Variants in MAN2A1 observed in about 807,000 individuals in gnomAD.
MAN2A1 encodes the protein mannosidase alpha class 2A member 1.
In MAN2A1, 76 loss-of-function variants were observed where a neutral mutation model predicts 142.6. That is an observed-to-expected ratio of 0.53 (90% CI 0.44 to 0.65). The LOEUF (loss-of-function observed/expected upper bound fraction) is 0.65, where lower values mean the gene tolerates loss of function less well. Among genes scored for constraint, MAN2A1 ranks in the 30% least tolerant of loss-of-function variants. The pLI, the probability that MAN2A1 is intolerant of heterozygous loss-of-function variation, is 0.00. For missense variants in MAN2A1, 1,311 were observed against 1,365.1 expected, an observed-to-expected ratio of 0.96 and a Z score of 0.62; for synonymous variants, 559 against 473.2, an observed-to-expected ratio of 1.18 and a Z score of -2.35.
At chr5:109,739,220 G>T (rs1243280252) in intron 4 of MAN2A1, among the ~76,000 whole-genome samples, 2 of 151,930 alleles carry the variant, frequency 1.3e-5, no homozygotes, top group East Asian at 3.9e-4. Context: ...TTCATTGAAG[G>T]TAACTTTTTC....
intron 12 of MAN2A1, among the ~76,000 whole-genome samples, chr5:109,816,368 C>T (rs545909117): frequency 3.3e-5 from 5 of 152,152 alleles, no homozygotes; most frequent in Non-Finnish European, 7.3e-5. Flanking sequence ...AAAAGTTGCA[C>T]GTAGTTGCAA....
intron 12 of MAN2A1, among the ~76,000 whole-genome samples, chr5:109,807,704 A>G (rs1213182203): frequency 1.4e-4 from 21 of 152,124 alleles, no homozygotes. Context: ...GTGAGCTGTA[A>G]TTTAATCACA....
At chr5:109,782,578 T>C (rs1159069393) in intron 9 of MAN2A1, among the ~76,000 whole-genome samples, 1 of 152,174 alleles carries the variant, frequency 6.6e-6, no homozygotes, top group Non-Finnish European at 1.5e-5. Context: ...AGATTGTACT[T>C]ACCGTCTTTT....
chr5:109,790,338 T>C (rs1408686352), intron 12 of MAN2A1, among the ~76,000 whole-genome samples: 1 of 151,914 alleles, frequency 6.6e-6, no homozygotes, highest in Non-Finnish European at 1.5e-5. Flanking sequence ...ATGGAATGAA[T>C]GTAAAAAGAA....
intron 13 of MAN2A1, 65 bp from the exon 14 acceptor site, chr5:109,819,604 T>A (rs762858929): frequency 3.1e-6 from 3 of 967,888 alleles, no homozygotes; most frequent in Non-Finnish European, 2.9e-6. Context: ...ACCAAAAATA[T>A]AAATGGTTTG....
chr5:109,729,723 T>G (rs1375741216), intron 4 of MAN2A1, among the ~76,000 whole-genome samples: 4 of 152,174 alleles, frequency 2.6e-5, no homozygotes, highest in African/African-American at 7.2e-5. Context: ...CTGGAAGCAG[T>G]GGCTTACTGC....
At position 109,858,358 on chromosome 5, in the gene MAN2A1, A is replaced by G. The variant is rs118118380; in HGVS notation, c.3171+3024A>G. Reference sequence around the variant, plus strand: ...TCCCTAACCTGATAATAGAAGGATAATCATTGAAGGGAACTGTTGTGGGTA... The same window carrying G: ...TCCCTAACCTGATAATAGAAGGATAGTCATTGAAGGGAACTGTTGTGGGTA... On this transcript the variant is annotated intron_variant, in intron 20 of 21. Transcript: ENST00000261483. 4.8e-4 allele frequency among the ~76,000 whole-genome samples: 73 copies of G among 152,312 alleles called. 1 individual carries two copies. The East Asian group carries it at 0.011, about 24-fold the overall frequency.
chr5:109,733,901 C>G (rs1444736470), intron 4 of MAN2A1, among the ~76,000 whole-genome samples: 4 of 152,080 alleles, frequency 2.6e-5, no homozygotes, highest in Non-Finnish European at 4.4e-5. Flanking sequence ...AGGATTCCCT[C>G]TTTTTCTATT....
chr5:109,864,852 A>T lies in MAN2A1; in HGVS notation c.3172-184A>T, dbSNP rs12656073. ...ACATAATCTTACCTGGCTCAGTACA[A>T]GTAGGAGAGAATGGTAGCAGGTGAA... On this transcript the variant is annotated intron_variant, in intron 20 of 21. Transcript: ENST00000261483. The T allele has an allele frequency of 1.3e-5, 8 of 599,442 alleles. 1 individual carries two copies. Among genetic ancestry groups the T allele is most frequent in the Middle Eastern group, 5.4e-4 (2 of 3,694 alleles). 37.1% of individuals were successfully genotyped at this position (599,442 alleles called of 1,614,324 possible). A position where few individuals can be genotyped will look rare whatever the true frequency, so the allele number is the denominator to read the frequency against.
rs539231291 is a variant in MAN2A1, at chr5:109,811,301, C to A, written c.1944-5972C>A. 1.6e-4 allele frequency among the ~76,000 whole-genome samples: 25 copies of A among 152,156 alleles called. No homozygotes were observed. In the South Asian group the frequency reaches 5.0e-3, roughly 30 times the overall value. ...AGAATTGTTTTGCCCATCTCATGAT[C>A]ATTTTCCTTCCCTCACCTTTCTTCC... is the stretch of plus-strand genomic sequence containing the variant. On this transcript the variant is annotated intron_variant, in intron 12 of 21. Coordinates refer to ENST00000261483, the MANE Select transcript of MAN2A1 (RefSeq NM_002372.4).
chr5:109,735,695 C>G (rs1459334515), intron 4 of MAN2A1, among the ~76,000 whole-genome samples: 5 of 152,106 alleles, frequency 3.3e-5, no homozygotes, highest in Non-Finnish European at 7.3e-5. Flanking sequence ...GCACATTATT[C>G]TTAACTATAT....
At chr5:109,751,629 A>G (rs575103250) in intron 4 of MAN2A1, among the ~76,000 whole-genome samples, 3 of 151,412 alleles carry the variant, frequency 2.0e-5, no homozygotes, top group South Asian at 4.2e-4. Context: ...TTAAAAATCT[A>G]TTTTTCAACT....
intron 1 of MAN2A1, among the ~76,000 whole-genome samples, chr5:109,710,123 C>A (rs1582811164): frequency 6.6e-6 from 1 of 152,110 alleles, no homozygotes; most frequent in African/African-American, 2.4e-5. Flanking sequence ...GTGCATATAT[C>A]CCTAGGCCAT....
chr5:109,812,435 A>T (rs1561524519), intron 12 of MAN2A1, among the ~76,000 whole-genome samples: 1 of 152,158 alleles, frequency 6.6e-6, no homozygotes, highest in Admixed American at 6.5e-5. Context: ...ACAAAATGGT[A>T]TATATCAAAA....
intron 16 of MAN2A1, among the ~76,000 whole-genome samples, chr5:109,838,092 G>A (rs1422447004): frequency 6.6e-6 from 1 of 151,932 alleles, no homozygotes; most frequent in Non-Finnish European, 1.5e-5. Context: ...CCGGGTGTGA[G>A]ACTGGAATCT....
chr5:109,752,667 C>A (rs1752578685), intron 4 of MAN2A1, among the ~76,000 whole-genome samples: 2 of 152,072 alleles, frequency 1.3e-5, no homozygotes, highest in Non-Finnish European at 2.9e-5. Flanking sequence ...GCTATGAGGG[C>A]AGTTGAGACC....
chr5:109,758,827 C>T (rs1752761337), intron 5 of MAN2A1, among the ~76,000 whole-genome samples: 1 of 151,494 alleles, frequency 6.6e-6, no homozygotes, highest in Non-Finnish European at 1.5e-5. Context: ...CCCAGTTATT[C>T]CAATGCCACT....
At chr5:109,835,486 A>G (rs1050909712) in intron 16 of MAN2A1, among the ~76,000 whole-genome samples, 2 of 152,202 alleles carry the variant, frequency 1.3e-5, no homozygotes, top group African/African-American at 2.4e-5. Context: ...TTTGATAGCT[A>G]TGTTAAATTT....
intron 2 of MAN2A1, among the ~76,000 whole-genome samples, chr5:109,714,758 A>G (rs1582816164): frequency 6.6e-6 from 1 of 152,354 alleles, no homozygotes; most frequent in East Asian, 1.9e-4. Context: ...GGCAGAGAAC[A>G]TGATATGATC....
Sources: allele counts gnomAD v4.1 joint callset (sites outside exome capture counted in the v4.1 genomes callset), GRCh38; gene constraint gnomAD v4.1.1; transcripts MANE v1.5; gene names NCBI Gene and HGNC (gene_info 2026-07-23, HGNC 2026-07-21).